TBC1D19: variants seen among roughly 807,000 people sequenced by gnomAD.
TBC1D19 encodes the protein TBC1 domain family member 19.
In TBC1D19, 60 loss-of-function variants were observed where a neutral mutation model predicts 89.0. That is an observed-to-expected ratio of 0.67 (90% CI 0.55 to 0.84). The LOEUF (loss-of-function observed/expected upper bound fraction) is 0.84, where lower values mean the gene tolerates loss of function less well. Ranked by LOEUF, TBC1D19 falls within the 40% of genes least tolerant of loss-of-function variation. TBC1D19 has a pLI of 0.00. For missense variants in TBC1D19, 500 were observed against 610.8 expected, an observed-to-expected ratio of 0.82 and a Z score of 1.91; for synonymous variants, 189 against 199.7, an observed-to-expected ratio of 0.95 and a Z score of 0.45.
chr4:26,847,616 C>T, the TBC1D19 span, among the ~76,000 whole-genome samples: 1 of 152,134 alleles, frequency 6.6e-6, no homozygotes, highest in African/African-American at 2.4e-5. Flanking sequence ...ATGCAGGGGC[C>T]TGTTGATCAT....
chr4:26,742,388 A>G lies in TBC1D19; in HGVS notation c.1228-120A>G, dbSNP rs987353512. On this transcript the variant is annotated intron_variant, in intron 17 of 20. Transcript: ENST00000264866. ...ATACATTTCATGTTTTTGACTCTTA[A>G]ACAGTATAAAGAAAATTTATGTTGA... 8 of 787,146 alleles carry G rather than the reference A, an allele frequency of 1.0e-5. No homozygotes were observed. In the East Asian group the frequency reaches 2.0e-4, roughly 19 times the overall value. The allele number at this position is 787,146 out of a possible 1,614,324, so 48.8% of individuals were successfully genotyped here.
the TBC1D19 span, among the ~76,000 whole-genome samples, chr4:26,804,738 G>C: frequency 6.6e-6 from 1 of 152,220 alleles, no homozygotes; most frequent in African/African-American, 2.4e-5. Flanking sequence ...GCAGGTGTCA[G>C]TGATTTGAGC....
At chr4:26,779,983 A>T in the TBC1D19 span, among the ~76,000 whole-genome samples, 1 of 152,160 alleles carries the variant, frequency 6.6e-6, no homozygotes. Flanking sequence ...TGGTGTAGCT[A>T]GGTAAGGGCT....
At chr4:26,855,030 A>T in the TBC1D19 span, among the ~76,000 whole-genome samples, 286 of 152,322 alleles carry the variant, frequency 1.9e-3, 1 homozygote, top group African/African-American at 6.6e-3. Context: ...AGTGGTCTCC[A>T]CTATGGAGGC....
chr4:26,854,476 C>A, the TBC1D19 span, among the ~76,000 whole-genome samples: 1 of 152,180 alleles, frequency 6.6e-6, no homozygotes, highest in African/African-American at 2.4e-5. Context: ...AGCTTATGTG[C>A]CTCCCTGGAT....
chr4:26,756,053 C>T lies in TBC1D19; in HGVS notation c.*1106C>T, dbSNP rs1043193354. On this transcript the variant is annotated 3_prime_UTR_variant, in exon 21 of 21. Transcript: ENST00000264866. ...AAAACTGTAAATCAGTAGATTGATA[C>T]GCTTATTGATTGCCTAGAATTTTAT... Among the ~76,000 whole-genome samples, 10 of 152,132 alleles carry T rather than the reference C, an allele frequency of 6.6e-5. No individual in the cohort carries two copies. The highest frequency in any genetic ancestry group is 2.1e-4 in the South Asian group (1 of 4,834).
intron 7 of TBC1D19, among the ~76,000 whole-genome samples, chr4:26,648,514 CTT>C (rs1396484291): frequency 6.6e-6 from 1 of 152,174 alleles, no homozygotes; most frequent in Admixed American, 6.5e-5. Flanking sequence ...TTAATCCTGT[CTT>C]TGACTGCACT....
At chr4:26,655,576 C>T (rs1028317410) in intron 7 of TBC1D19, among the ~76,000 whole-genome samples, 20 of 152,202 alleles carry the variant, frequency 1.3e-4, no homozygotes, top group African/African-American at 4.1e-4. Flanking sequence ...CAATGGCACG[C>T]GCCCCTCTCC....
intron 11 of TBC1D19, among the ~76,000 whole-genome samples, chr4:26,674,476 G>GT (rs900453633): frequency 5.9e-5 from 9 of 151,852 alleles, no homozygotes; most frequent in African/African-American, 1.7e-4. Context: ...TTTTTTGTTT[G>GT]TTTTTTGCTT....
At chr4:26,799,834 A>C in the TBC1D19 span, among the ~76,000 whole-genome samples, 2 of 152,122 alleles carry the variant, frequency 1.3e-5, no homozygotes, top group African/African-American at 4.8e-5. Context: ...GTAGGAGCCC[A>C]ACCGGAATAA....
intron 7 of TBC1D19, among the ~76,000 whole-genome samples, chr4:26,646,409 C>T (rs1267270367): frequency 6.6e-6 from 1 of 152,152 alleles, no homozygotes; most frequent in Admixed American, 6.6e-5. Flanking sequence ...TGTGGTGATT[C>T]CTCAAGGATC....
At chr4:26,767,091 G>T in the TBC1D19 span, among the ~76,000 whole-genome samples, 1 of 152,006 alleles carries the variant, frequency 6.6e-6, no homozygotes, top group Non-Finnish European at 1.5e-5. Context: ...GGTTGCTTGA[G>T]CCCAGGAGTT....
intron 13 of TBC1D19, among the ~76,000 whole-genome samples, chr4:26,708,334 T>A (rs1447178997): frequency 6.6e-6 from 1 of 152,042 alleles, no homozygotes; most frequent in Non-Finnish European, 1.5e-5. Flanking sequence ...AATCTGCTAA[T>A]AATTGTATAG....
At chr4:26,820,974 A>G in the TBC1D19 span, among the ~76,000 whole-genome samples, 1 of 152,216 alleles carries the variant, frequency 6.6e-6, no homozygotes, top group East Asian at 1.9e-4. Context: ...ATATCTGTTG[A>G]CTGGCTACCA....
the TBC1D19 span, among the ~76,000 whole-genome samples, chr4:26,805,402 C>G: frequency 1.3e-5 from 2 of 152,292 alleles, no homozygotes; most frequent in South Asian, 4.1e-4. Context: ...TCAGCCACAG[C>G]GTCCTCATCC....
intron 7 of TBC1D19, 69 bp downstream of exon 7, chr4:26,640,256 T>C: frequency 5.4e-6 from 7 of 1,298,298 alleles, no homozygotes; most frequent in Non-Finnish European, 7.8e-6. Flanking sequence ...GATGTAAAAA[T>C]ATATCAAGGC....
chr4:26,695,598 C>T (rs1714704139), intron 13 of TBC1D19, among the ~76,000 whole-genome samples: 1 of 152,174 alleles, frequency 6.6e-6, no homozygotes, highest in African/African-American at 2.4e-5. Context: ...ATCTTAAGGG[C>T]AGCCAGAGAG....
chr4:26,649,665 T>A (rs892916025), intron 7 of TBC1D19, among the ~76,000 whole-genome samples: 11 of 152,156 alleles, frequency 7.2e-5, no homozygotes, highest in Non-Finnish European at 1.2e-4. Context: ...TAGCCTACTG[T>A]TTTCAAGTTT....
chr4:26,713,773 A>G (rs905477834), intron 13 of TBC1D19, among the ~76,000 whole-genome samples: 5 of 152,138 alleles, frequency 3.3e-5, no homozygotes, highest in Admixed American at 6.6e-5. Context: ...GACTGTAAAC[A>G]TATAGAAATG....
Sources: gnomAD v4.1 joint callset for allele counts (sites outside exome capture counted in the v4.1 genomes callset) on GRCh38, gnomAD v4.1.1 for gene constraint, MANE v1.5 for transcripts, NCBI Gene and HGNC (gene_info 2026-07-23, HGNC 2026-07-21) for gene names.